The following ABCC4 variants were observed in gnomAD, a reference collection of about 807,000 sequenced individuals.
ABCC4 encodes the protein ATP-binding cassette sub-family C member 4.
In ABCC4, 102 loss-of-function variants were observed where a neutral mutation model predicts 168.5. That is an observed-to-expected ratio of 0.61 (90% CI 0.52 to 0.71). The LOEUF is 0.71. Ranked by LOEUF, ABCC4 falls within the 30% of genes least tolerant of loss-of-function variation. The pLI is 0.00. For synonymous variants in ABCC4, 617 were observed against 590.7 expected (o/e 1.04, Z -0.65); for missense variants, 1,402 against 1,605.8 (o/e 0.87, Z 2.17).
chr13:95,280,661 G>A (rs60577821), intron 1 of ABCC4, among the ~76,000 whole-genome samples: 1,762 of 151,288 alleles, frequency 0.012, 33 homozygotes, highest in African/African-American at 0.04. Context: ...GGCTCTCTGT[G>A]GGATTCCTTC....
At chr13:95,158,416 T>C (rs1352700420) in intron 19 of ABCC4, among the ~76,000 whole-genome samples, 2 of 152,186 alleles carry the variant, frequency 1.3e-5, no homozygotes, top group Non-Finnish European at 2.9e-5. Context: ...GAGGGACGTC[T>C]AGCCAGACCC....
rs149964205 is a variant in ABCC4, at chr13:95,174,407, C to T, written c.1727+3300G>A. Among the ~76,000 whole-genome samples, 366 of 152,336 alleles carry T rather than the reference C, an allele frequency of 2.4e-3. 1 individual carries two copies. The highest frequency in any genetic ancestry group is 9.3e-3 in the South Asian group (45 of 4,828). On this transcript the variant is annotated intron_variant, in intron 13 of 30. Transcript: ENST00000645237. ...CATATTGTTCAATCCAATTTTCTAA[C>T]TCGTTGAGAACATTCTCCAGTTGCT... is the stretch of plus-strand genomic sequence containing the variant.
intron 1 of ABCC4, among the ~76,000 whole-genome samples, chr13:95,285,340 CAGG>C (rs1397972068): frequency 6.6e-6 from 1 of 152,032 alleles, no homozygotes; most frequent in Non-Finnish European, 1.5e-5. Context: ...CACTTGAGGA[CAGG>C]AGTTCAAGAC....
chr13:95,125,974 A>T (rs1174290778), intron 19 of ABCC4, among the ~76,000 whole-genome samples: 1 of 152,184 alleles, frequency 6.6e-6, no homozygotes, highest in Non-Finnish European at 1.5e-5. Flanking sequence ...CAAACACTGC[A>T]TGGCCAATGA....
intron 1 of ABCC4, among the ~76,000 whole-genome samples, chr13:95,272,194 G>A (rs1445155650): frequency 2.6e-5 from 4 of 151,984 alleles, no homozygotes; most frequent in African/African-American, 7.2e-5. Flanking sequence ...ACAGGCACCC[G>A]CCAGCACACC....
In ABCC4 at chr13:95,301,309, C is replaced by G; in HGVS notation, c.6G>C (p.Leu2=). M[L]PVYQEVKPNP... ...TGGGCTTCACCTCCTGGTACACGGG[C>G]AGCATCTTGCCGGGCGGGGCGGGCG... is the stretch of plus-strand genomic sequence containing the variant. The change falls in exon 1 of 31, where the codon CTG becomes CTC. Residue 2 remains leucine, a synonymous_variant. Coordinates refer to ENST00000645237, the MANE Select transcript of ABCC4 (RefSeq NM_005845.5). 8.8e-6 allele frequency: 14 copies of G among 1,591,760 alleles called. No individual in the cohort carries two copies. Among genetic ancestry groups the G allele is most frequent in the Non-Finnish European group, 1.2e-5 (14 of 1,170,190 alleles).
intron 1 of ABCC4, among the ~76,000 whole-genome samples, chr13:95,261,651 T>G (rs186931512): frequency 2.0e-5 from 3 of 152,216 alleles, no homozygotes; most frequent in African/African-American, 7.2e-5. Flanking sequence ...GTAATAAACC[T>G]TATATACAGA....
At chr13:95,044,173 G>C in intron 28 of ABCC4, 93 bp downstream of exon 28, 1 of 1,237,078 alleles carries the variant, frequency 8.1e-7, no homozygotes, top group Admixed American at 3.1e-5. Context: ...GGGGCAAACA[G>C]AGCACTTAGA....
intron 1 of ABCC4, among the ~76,000 whole-genome samples, chr13:95,288,213 TG>T (rs2041310017): frequency 6.6e-6 from 1 of 152,166 alleles, no homozygotes; most frequent in Non-Finnish European, 1.5e-5. Context: ...TACAAGATCA[TG>T]GGTCTTCTGG....
Position 95,096,769 on chromosome 13 carries a change from G to A in ABCC4, c.2536-13479C>T, listed in dbSNP as rs538174086. On this transcript the variant is annotated intron_variant, in intron 20 of 30. Transcript: ENST00000645237. ...GACATGCTCAGATGGGCAAAAGCTA[G>A]GAGAAGGTCTCTAGCAGACCAGCCT... Among the ~76,000 whole-genome samples the A allele has an allele frequency of 7.4e-4, 113 of 152,274 alleles. 1 individual carries two copies. The South Asian group carries it at 0.023, about 30-fold the overall frequency.
intron 19 of ABCC4, among the ~76,000 whole-genome samples, chr13:95,123,706 C>A (rs1432053431): frequency 6.6e-6 from 1 of 152,166 alleles, no homozygotes; most frequent in African/African-American, 2.4e-5. Flanking sequence ...TTAATAGATA[C>A]ATGTAAGTGA....
intron 1 of ABCC4, among the ~76,000 whole-genome samples, chr13:95,278,832 A>C (rs1245433492): frequency 5.3e-5 from 8 of 149,550 alleles, no homozygotes; most frequent in African/African-American, 9.7e-5. Flanking sequence ...AAAAAAAAAA[A>C]ACACAGACTG....
chr13:95,026,108 C>G (rs547857958), intron 30 of ABCC4, among the ~76,000 whole-genome samples: 1 of 152,072 alleles, frequency 6.6e-6, no homozygotes, highest in African/African-American at 2.4e-5. Flanking sequence ...ATTGTGATGG[C>G]GCACACCTGT....
chr13:95,085,787 G>A (rs560946140), intron 20 of ABCC4, among the ~76,000 whole-genome samples: 3 of 152,272 alleles, frequency 2.0e-5, no homozygotes, highest in African/African-American at 4.8e-5. Flanking sequence ...CATGTCATAA[G>A]CCTTGCTTAT....
chr13:95,151,041 T>C (rs2036656793), intron 19 of ABCC4, among the ~76,000 whole-genome samples: 1 of 152,226 alleles, frequency 6.6e-6, no homozygotes, highest in African/African-American at 2.4e-5. Context: ...GCCAATGAAT[T>C]ATGAAGAAGA....
chr13:95,158,849 CCCTTGAGCACAGGAGTTCGAGA>C (rs2036969072), intron 19 of ABCC4, among the ~76,000 whole-genome samples: 1 of 151,696 alleles, frequency 6.6e-6, no homozygotes, highest in Admixed American at 6.6e-5. Context: ...GCAGGAAGAT[CCCTTGAGCACAGGAGTTCGAGA>C]CCAGCCCGGG....
Position 95,161,306 on chromosome 13 carries a change from T to C in ABCC4, c.2338A>G (p.Ile780Val), listed in dbSNP as rs201512856. ...TAGAATACCAATAGAGATCTTGCTA[T>C]GCCAAAAAGAACGGTAGCTACAGTT... The part of the protein sequence containing the change: ...GLTVATVLFG[I>V]ARSLLVFYVL... Residue 780 changes from isoleucine to valine, a missense_variant, in exon 19 of 31, where the codon ATA becomes GTA. Ile to Val is a conservative substitution (Grantham distance 29). This residue lies in a region of ABCC4 where 1,007 missense variants were observed against 1,127.3 expected (regional missense o/e 0.89). Transcript: ENST00000645237. The C allele has an allele frequency of 1.4e-5, 22 of 1,595,858 alleles. No homozygotes were observed. Among genetic ancestry groups the C allele is most frequent in the Non-Finnish European group, 1.7e-5 (20 of 1,174,834 alleles).
chr13:95,276,386 G>A (rs960717583), intron 1 of ABCC4, among the ~76,000 whole-genome samples: 3 of 138,282 alleles, frequency 2.2e-5, no homozygotes, highest in African/African-American at 8.1e-5. Flanking sequence ...CTGCACTCGA[G>A]CCTGGGAGAC....
intron 3 of ABCC4, among the ~76,000 whole-genome samples, chr13:95,244,669 G>GAAAGAAAGAAAGAAATAAATAAAT (rs780621852): frequency 1.5e-5 from 1 of 68,008 alleles, no homozygotes; most frequent in African/African-American, 7.6e-5. Context: ...AAGAAAGAAA[G>GAAAGAAAGAAAGAAATAAATAAAT]AAATCATAGC....
Sources: allele counts gnomAD v4.1 joint callset (sites outside exome capture counted in the v4.1 genomes callset), GRCh38; gene constraint gnomAD v4.1.1; regional missense constraint gnomAD v4.1.1; transcripts MANE v1.5; gene names NCBI Gene and HGNC (gene_info 2026-07-23, HGNC 2026-07-21).